SRGAP3: variants seen among roughly 807,000 people sequenced by gnomAD.
SRGAP3 encodes SLIT-ROBO Rho GTPase activating protein 3.
A neutral mutation model predicts 121.1 loss-of-function variants in SRGAP3; 39 were observed. The ratio of observed to expected loss-of-function variants is 0.32; its 90% CI spans 0.25 to 0.42. The LOEUF is 0.42. SRGAP3 is among the 10% of genes least tolerant of loss of function. The pLI is 1.00. For missense variants in SRGAP3, 1,213 were observed against 1,470.6 expected, an observed-to-expected ratio of 0.82 and a Z score of 2.86; for synonymous variants, 601 against 570.0, an observed-to-expected ratio of 1.05 and a Z score of -0.77.
intron 5 of SRGAP3, among the ~76,000 whole-genome samples, chr3:9,063,124 C>CTTTT (rs766958753): frequency 1.0e-4 from 8 of 80,014 alleles, no homozygotes; most frequent in East Asian, 3.4e-4. Context: ...TAGAGACAAT[C>CTTTT]TTTTTTTTTT....
chr3:8,998,455 T>C (rs1942546756), intron 18 of SRGAP3, among the ~76,000 whole-genome samples: 1 of 152,210 alleles, frequency 6.6e-6, no homozygotes, highest in Admixed American at 6.5e-5. Flanking sequence ...TCTCTTGCTT[T>C]ATTTCTCTTC....
intron 3 of SRGAP3, among the ~76,000 whole-genome samples, chr3:9,278,113 C>T (rs894467006): frequency 6.6e-6 from 1 of 152,176 alleles, no homozygotes; most frequent in African/African-American, 2.4e-5. Flanking sequence ...GTTTATTAGC[C>T]ACCCAGTTTA....
At chr3:9,227,307 G>A (rs537798229) in intron 1 of SRGAP3, among the ~76,000 whole-genome samples, 6 of 152,286 alleles carry the variant, frequency 3.9e-5, no homozygotes, top group African/African-American at 7.2e-5. Flanking sequence ...CAAGCCATCC[G>A]TTCTGCCATG....
intron 3 of SRGAP3, among the ~76,000 whole-genome samples, chr3:9,319,241 G>A (rs1462033138): frequency 2.0e-5 from 3 of 151,874 alleles, no homozygotes; most frequent in Admixed American, 2.0e-4. Context: ...CAAACCCAGC[G>A]ATGCTGGTTC....
At chr3:9,213,687 T>C (rs1410763661) in intron 1 of SRGAP3, among the ~76,000 whole-genome samples, 1 of 152,204 alleles carries the variant, frequency 6.6e-6, no homozygotes, top group Non-Finnish European at 1.5e-5. Flanking sequence ...CAATTGCACA[T>C]AGAATAAAAT....
rs967195202 is a variant in SRGAP3 at position 9,218,437 on chromosome 3, C to T, written c.67+30448G>A. ...AACACACCGTCCATATACACCATGC[C>T]CAGCCCCAAGCCCAGGGCAGATCTG... is the stretch of plus-strand genomic sequence containing the variant. On this transcript the variant is annotated intron_variant, in intron 1 of 21. Coordinates refer to ENST00000383836, the MANE Select transcript of SRGAP3 (RefSeq NM_014850.4). The surrounding 1 kb of genome is among the most constrained non-coding windows in gnomAD (Gnocchi z 5.3). 6.6e-6 allele frequency: 1 copy of T among 152,120 alleles called. No homozygotes were observed. Among genetic ancestry groups the T allele is most frequent in the Non-Finnish European group, 1.5e-5 (1 of 68,052 alleles). The allele number at this position is 152,120 out of a possible 1,614,324, so 9.4% of individuals were successfully genotyped here. A position where few individuals can be genotyped will look rare whatever the true frequency, so the allele number is the denominator to read the frequency against.
At chr3:9,136,393 G>GA (rs1949654867) in intron 1 of SRGAP3, among the ~76,000 whole-genome samples, 1 of 42,260 alleles carries the variant, frequency 2.4e-5, no homozygotes, top group Non-Finnish European at 4.3e-5. Context: ...CCGTCGCTGG[G>GA]ACCCCCCCCC....
At position 9,103,687 on chromosome 3, in the gene SRGAP3, T is replaced by C. The variant is rs115337924; in HGVS notation, c.423+993A>G. On this transcript the variant is annotated intron_variant, in intron 3 of 21. Coordinates refer to ENST00000383836, the MANE Select transcript of SRGAP3 (RefSeq NM_014850.4). ...AGTAGCTGATCTTAACCCTGCAGGA[T>C]AGACAAAGAGGATGAGTTTCACAGA... is the stretch of plus-strand genomic sequence containing the variant. 3.2e-3 allele frequency among the ~76,000 whole-genome samples: 487 copies of C among 152,292 alleles called. 3 individuals are homozygous for C. The highest frequency in any genetic ancestry group is 9.3e-3 in the African/African-American group (387 of 41,560).
chr3:9,206,763 C>G (rs1346487704), intron 1 of SRGAP3, among the ~76,000 whole-genome samples: 1 of 152,194 alleles, frequency 6.6e-6, no homozygotes, highest in Non-Finnish European at 1.5e-5. Context: ...ACAGGACATT[C>G]TCTCCAGCCT....
chr3:9,033,924 A>G (rs1401635112), intron 11 of SRGAP3: 2 of 152,162 alleles, frequency 1.3e-5, no homozygotes, highest in Non-Finnish European at 2.9e-5. Flanking sequence ...ATGGAGCCTT[A>G]GGGCACTTTT....
rs1423023469 is a variant in SRGAP3 at position 9,013,447 on chromosome 3, G to C, written c.2008C>G (p.Gln670Glu). Residue 670 changes from glutamine to glutamate, a missense_variant, in exon 17 of 22, where the codon CAG becomes GAG. Physicochemically the swap from Gln to Glu is conservative, Grantham distance 29. Around this residue, in one of 2 missense-constraint regions of SRGAP3, gnomAD observed 793 missense variants for 1,032.9 expected, o/e 0.77. Transcript: ENST00000383836. The part of the protein sequence containing the change: ...GPTLMHIPDG[Q>E]DPVSCQAHIN... ...TGTGCCTGGCAGGACACAGGGTCCTGCCCATCAGGGATGTGCATGAGGGTA... is the reference window on the plus strand; with the variant it reads ...TGTGCCTGGCAGGACACAGGGTCCTCCCCATCAGGGATGTGCATGAGGGTA... The C allele has an allele frequency of 6.2e-7, 1 of 1,614,088 alleles. No homozygotes were observed. Among genetic ancestry groups the C allele is most frequent in the Non-Finnish European group, 8.5e-7 (1 of 1,180,006 alleles).
chr3:9,107,733 G>C (rs1948467804), intron 2 of SRGAP3, among the ~76,000 whole-genome samples: 1 of 152,200 alleles, frequency 6.6e-6, no homozygotes, highest in Non-Finnish European at 1.5e-5. Flanking sequence ...AAACTCTCAA[G>C]GTGATTTGGA....
chr3:9,065,842 T>C (rs1370163244), intron 4 of SRGAP3, among the ~76,000 whole-genome samples: 1 of 152,222 alleles, frequency 6.6e-6, no homozygotes, highest in African/African-American at 2.4e-5. Context: ...TGATTTTTCT[T>C]AGGTAAATAC....
chr3:9,296,784 T>TA (rs1954960639), intron 3 of SRGAP3, among the ~76,000 whole-genome samples: 4 of 152,252 alleles, frequency 2.6e-5, no homozygotes, highest in Non-Finnish European at 5.9e-5. Flanking sequence ...ACATTGTGCC[T>TA]AGCACACAGC....
rs536499594 is a variant in SRGAP3, at chr3:9,262,911, A to AGTAT, written n.442+63095_442+63098dup. Among the ~76,000 whole-genome samples the AGTAT allele has an allele frequency of 6.1e-4, 93 of 152,338 alleles. 1 individual carries two copies. Among genetic ancestry groups the AGTAT allele is most frequent in the African/African-American group, 2.2e-3 (93 of 41,584 alleles). ...AGAACTCTCCACCCCAAATCAACAG[A>AGTAT]GTATACATTCTTCTCTGCACCAAAT... is the stretch of plus-strand genomic sequence containing the variant. On this transcript the variant is annotated intron_variant and non_coding_transcript_variant, in intron 3 of 3. Coordinates refer to the SRGAP3 transcript ENST00000490889.
chr3:8,998,593 A>G (rs1185253400), intron 18 of SRGAP3, among the ~76,000 whole-genome samples: 1 of 152,082 alleles, frequency 6.6e-6, no homozygotes, highest in Non-Finnish European at 1.5e-5. Context: ...ATACATACAC[A>G]TATGTGTATA....
chr3:9,080,131 G>T, intron 3 of SRGAP3, 44 bp from the exon 4 acceptor site: 2 of 1,603,662 alleles, frequency 1.2e-6, no homozygotes, highest in Non-Finnish European at 1.7e-6. Context: ...GAAGTTTGCT[G>T]GCTACATTTA....
chr3:9,220,980 C>T (rs921288493), intron 1 of SRGAP3, among the ~76,000 whole-genome samples: 7 of 152,208 alleles, frequency 4.6e-5, no homozygotes, highest in South Asian at 2.1e-4. Flanking sequence ...TGTCCCACCC[C>T]GCTGGTGACA....
In SRGAP3 at chr3:9,065,903, G is replaced by C. The variant is rs1440182462; in HGVS notation, c.487-1322C>G. 2.0e-5 allele frequency among the ~76,000 whole-genome samples: 3 copies of C among 152,108 alleles called. 1 individual carries two copies. The highest frequency in any genetic ancestry group is 2.0e-4 in the Admixed American group (3 of 15,278). ...GGTAAATATATATTTAATCATATTG[G>C]AAATCTGGCCTCTCACTTTTAATCC... is the stretch of plus-strand genomic sequence containing the variant. On this transcript the variant is annotated intron_variant, in intron 4 of 21. Coordinates refer to ENST00000383836, the MANE Select transcript of SRGAP3 (RefSeq NM_014850.4).
Sources: gnomAD v4.1 joint callset for allele counts (sites outside exome capture counted in the v4.1 genomes callset) on GRCh38, gnomAD v4.1.1 for gene constraint, gnomAD v4.1.1 regional missense constraint, Gnocchi (gnomAD v3.1) non-coding constraint, MANE v1.5 for transcripts, NCBI Gene and HGNC (gene_info 2026-07-23, HGNC 2026-07-21) for gene names.